ANKRD44: variants seen among roughly 807,000 people sequenced by gnomAD.
ANKRD44 encodes the protein serine/threonine-protein phosphatase 6 regulatory ankyrin repeat subunit B.
In ANKRD44, 35 loss-of-function variants were observed where a neutral mutation model predicts 116.0. The observed-to-expected ratio is 0.30, with a 90% confidence interval of 0.23 to 0.40. ANKRD44 has a LOEUF of 0.40. Ranked by LOEUF, ANKRD44 falls within the 10% of genes least tolerant of loss-of-function variation. The probability of loss-of-function intolerance (pLI) is 1.00; values close to 1 mark genes in which losing one functional copy is unlikely to be tolerated. For missense variants in ANKRD44, 1,014 were observed against 1,242.6 expected, an observed-to-expected ratio of 0.82 and a Z score of 2.77; for synonymous variants, 435 against 461.8, an observed-to-expected ratio of 0.94 and a Z score of 0.74.
At chr2:197,278,510 C>T (rs1250077389) in intron 1 of ANKRD44, among the ~76,000 whole-genome samples, 5 of 152,114 alleles carry the variant, frequency 3.3e-5, no homozygotes, top group Admixed American at 2.6e-4. Flanking sequence ...GCACGCACCA[C>T]CACGCCCGGT....
chr2:196,995,528 T>A, intron 25 of ANKRD44, 67 bp from the exon 26 acceptor site: 1 of 1,160,676 alleles, frequency 8.6e-7, no homozygotes, highest in Non-Finnish European at 1.3e-6. Context: ...AGAAATTTCT[T>A]CATTATGATT....
rs187296869 is a variant in ANKRD44, at chr2:197,275,361, C to T, written c.27+35217G>A. On this transcript the variant is annotated intron_variant, in intron 1 of 27. Coordinates refer to ENST00000282272, the MANE Select transcript of ANKRD44 (RefSeq NM_001195144.2). The stretch of plus-strand genomic sequence containing the variant: ...AACTCCTGGGCTCAAGAGATCCTCC[C>T]ACTTCAGCCTCCCAAAGTGCTGCGA... 7.3e-5 allele frequency among the ~76,000 whole-genome samples: 11 copies of T among 150,596 alleles called. No homozygotes were observed. The East Asian group carries it at 2.2e-3, about 29-fold the overall frequency.
chr2:197,108,856 C>CAAAAAAAAAAA (rs1228651033), intron 9 of ANKRD44, among the ~76,000 whole-genome samples: 1 of 148,872 alleles, frequency 6.7e-6, no homozygotes, highest in African/African-American at 2.6e-5. Flanking sequence ...ACAACAACAA[C>CAAAAAAAAAAA]AACAACAACA....
intron 16 of ANKRD44, among the ~76,000 whole-genome samples, chr2:197,068,709 T>G (rs967668288): frequency 6.6e-6 from 1 of 152,202 alleles, no homozygotes; most frequent in African/African-American, 2.4e-5. Flanking sequence ...ATGCTCATCA[T>G]CACTGGCCAT....
chr2:197,299,915 T>A (rs2083846444), intron 1 of ANKRD44, among the ~76,000 whole-genome samples: 1 of 152,198 alleles, frequency 6.6e-6, no homozygotes, highest in Admixed American at 6.5e-5. Flanking sequence ...TCTAGATCCT[T>A]TCAATGAAGT....
intron 2 of ANKRD44, among the ~76,000 whole-genome samples, chr2:197,153,797 C>G (rs2079727199): frequency 6.6e-6 from 1 of 151,824 alleles, no homozygotes; most frequent in African/African-American, 2.4e-5. Flanking sequence ...GCAAATGGTT[C>G]TGAAAATAAT....
At chr2:197,133,651 T>C (rs1332347420) in intron 4 of ANKRD44, among the ~76,000 whole-genome samples, 1 of 152,194 alleles carries the variant, frequency 6.6e-6, no homozygotes, top group Non-Finnish European at 1.5e-5. Flanking sequence ...CTGTGCCAGC[T>C]CTCAGCTGAA....
At chr2:197,011,475 AT>A (rs1216186319) in intron 18 of ANKRD44, among the ~76,000 whole-genome samples, 10,351 of 140,820 alleles carry the variant, frequency 0.074, 390 homozygotes, top group Middle Eastern at 0.13. Context: ...GCCCTCAGGT[AT>A]TTTTTTTTTT....
Position 197,266,550 on chromosome 2 carries a change from C to G in ANKRD44, c.27+44028G>C, listed in dbSNP as rs528936765. Among the ~76,000 whole-genome samples the G allele has an allele frequency of 3.0e-3, 460 of 151,324 alleles. 4 individuals are homozygous for G. Among genetic ancestry groups the G allele is most frequent in the African/African-American group, 0.011 (438 of 41,192 alleles). ...AATTTTGGCATTTTCCTCCCTTTTT[C>G]TTTACACGAACTGAATGACAGTCCC... is the stretch of plus-strand genomic sequence containing the variant. On this transcript the variant is annotated intron_variant, in intron 1 of 27. Transcript: ENST00000282272.
chr2:197,294,338 G>T (rs1025932275), intron 1 of ANKRD44, among the ~76,000 whole-genome samples: 1 of 152,106 alleles, frequency 6.6e-6, no homozygotes, highest in African/African-American at 2.4e-5. Context: ...TTTCACTTCT[G>T]AGAAAAGTGA....
At chr2:197,096,296 T>A (rs1043367056) in intron 10 of ANKRD44, among the ~76,000 whole-genome samples, 4 of 152,190 alleles carry the variant, frequency 2.6e-5, no homozygotes, top group East Asian at 1.9e-4. Context: ...TCAACCAATA[T>A]TTAATGAATG....
At chr2:197,281,867 C>T (rs1261838366) in intron 1 of ANKRD44, among the ~76,000 whole-genome samples, 2 of 152,146 alleles carry the variant, frequency 1.3e-5, no homozygotes, top group Admixed American at 6.6e-5. Flanking sequence ...TTTAAATCCA[C>T]AGTGAACTTT....
At chr2:197,046,754 T>A (rs1028362571) in intron 16 of ANKRD44, among the ~76,000 whole-genome samples, 1 of 152,080 alleles carries the variant, frequency 6.6e-6, no homozygotes, top group Non-Finnish European at 1.5e-5. Flanking sequence ...AAAAAGTAAA[T>A]CTTGTTTTCT....
intron 2 of ANKRD44, among the ~76,000 whole-genome samples, chr2:197,186,601 G>A (rs1354361001): frequency 3.7e-5 from 4 of 107,616 alleles, no homozygotes; most frequent in Admixed American, 1.0e-4. Flanking sequence ...CACTATGCCC[G>A]GCTAATTTTT....
chr2:196,994,792 G>T (rs2075984207), intron 26 of ANKRD44: 1 of 152,484 alleles, frequency 6.6e-6, no homozygotes, highest in Non-Finnish European at 1.5e-5. Context: ...CAAAGTGCTG[G>T]GATTAAAGGC....
intron 5 of ANKRD44, 132 bp downstream of exon 5, chr2:197,125,705 T>C: frequency 9.2e-7 from 1 of 1,084,778 alleles, no homozygotes; most frequent in East Asian, 2.4e-5. Context: ...TTGAGAATGA[T>C]ATAGATGCTG....
intron 4 of ANKRD44, among the ~76,000 whole-genome samples, chr2:197,129,404 G>A (rs1279938529): frequency 1.3e-5 from 2 of 152,144 alleles, no homozygotes; most frequent in African/African-American, 4.8e-5. Context: ...CAAAGTGCTG[G>A]GGTTACAGGC....
chr2:197,296,527 T>TA (rs1358058159), intron 1 of ANKRD44: 1 of 152,232 alleles, frequency 6.6e-6, no homozygotes, highest in Admixed American at 6.5e-5. Flanking sequence ...AACACTCACC[T>TA]AAGAAACTAA....
chr2:197,040,814 A>G (rs1490681015), intron 16 of ANKRD44, among the ~76,000 whole-genome samples: 2 of 152,214 alleles, frequency 1.3e-5, no homozygotes, highest in African/African-American at 4.8e-5. Context: ...ATCTCATTCT[A>G]CTATTACTAT....
Sources: allele counts gnomAD v4.1 joint callset (sites outside exome capture counted in the v4.1 genomes callset), GRCh38; gene constraint gnomAD v4.1.1; transcripts MANE v1.5; gene names NCBI Gene and HGNC (gene_info 2026-07-23, HGNC 2026-07-21).